ILKAP: variants seen among roughly 807,000 people sequenced by gnomAD.
The protein encoded by ILKAP is ILK associated serine/threonine phosphatase.
ILKAP carries 11 observed loss-of-function variants against 49.1 expected under a neutral mutation model. That is an observed-to-expected ratio of 0.22 (90% CI 0.14 to 0.37). The LOEUF is 0.37. Ranked by LOEUF, ILKAP falls within the 10% of genes least tolerant of loss-of-function variation. The pLI is 1.00. For synonymous variants in ILKAP, 186 were observed against 192.8 expected (o/e 0.96, Z 0.29); for missense variants, 363 against 510.8 (o/e 0.71, Z 2.79).
In ILKAP at chr2:238,173,650, A is replaced by G. The variant is rs528810761; in HGVS notation, c.840T>C (p.Asp280=). The change falls in exon 10 of 12, where the codon GAT becomes GAC. Residue 280 remains aspartate (D), a synonymous_variant. Coordinates refer to ENST00000254654, the MANE Select transcript of ILKAP (RefSeq NM_030768.3). The part of the protein sequence containing the change: ...RIQKAGGNVR[D]GRVLGVLEVS... ...CCTCTAGCACGCCCAAAACACGCCC[A>G]TCCCTAAAATGAGAGGAAAAACATT... 2 of 1,613,452 alleles carry G rather than the reference A, an allele frequency of 1.2e-6. No individual in the cohort carries two copies. Among genetic ancestry groups the G allele is most frequent in the South Asian group, 2.2e-5 (2 of 91,068 alleles).
At chr2:238,182,249 T>C (rs1693725779) in intron 8 of ILKAP, 63 bp from the exon 9 acceptor site, 3 of 1,584,856 alleles carry the variant, frequency 1.9e-6, no homozygotes, top group Non-Finnish European at 1.7e-6. Flanking sequence ...AAGGTACCAG[T>C]TGAAAAAAAC....
At chr2:238,186,135 T>A (rs1283589214) in intron 5 of ILKAP, 1 of 152,222 alleles carries the variant, frequency 6.6e-6, no homozygotes, top group Non-Finnish European at 1.5e-5. Flanking sequence ...GGTGACTTTG[T>A]TGTGTGAACA....
At chr2:238,197,041 C>T (rs1306956037) in intron 1 of ILKAP, among the ~76,000 whole-genome samples, 2 of 152,128 alleles carry the variant, frequency 1.3e-5, no homozygotes, top group Non-Finnish European at 2.9e-5. Context: ...TCCAGAAATA[C>T]AAAAATTAGC....
chr2:238,171,288 T>C (rs1471729473), intron 10 of ILKAP, among the ~76,000 whole-genome samples: 1 of 151,584 alleles, frequency 6.6e-6, no homozygotes, highest in Non-Finnish European at 1.5e-5. Context: ...GCCTCCTGAG[T>C]AGCTGGGATT....
Position 238,170,458 on chromosome 2 carries a change from C to G in ILKAP, c.*78G>C, listed in dbSNP as rs1311747732. Reference sequence around the variant, plus strand: ...ACCATGGGAGTCCCACAGGAGTACACAAAACACACAATGTGCACACACACA... The same window carrying G: ...ACCATGGGAGTCCCACAGGAGTACAGAAAACACACAATGTGCACACACACA... On this transcript the variant is annotated 3_prime_UTR_variant, in exon 12 of 12. Coordinates refer to ENST00000254654, the MANE Select transcript of ILKAP (RefSeq NM_030768.3). 2.3e-5 allele frequency: 34 copies of G among 1,471,294 alleles called. No homozygotes were observed. The East Asian group carries it at 7.9e-4, about 34-fold the overall frequency. 91.1% of individuals were successfully genotyped at this position (1,471,294 alleles called of 1,614,324 possible).
chr2:238,174,463 A>G (rs996669675), intron 9 of ILKAP, among the ~76,000 whole-genome samples: 1 of 152,188 alleles, frequency 6.6e-6, no homozygotes, highest in Non-Finnish European at 1.5e-5. Flanking sequence ...CGTGTGAGAG[A>G]GCACTCCGCA....
intron 11 of ILKAP, 101 bp downstream of exon 11, chr2:238,170,842 G>C (rs1288676615): frequency 7.0e-7 from 1 of 1,437,842 alleles, no homozygotes; most frequent in East Asian, 2.3e-5. Context: ...AGGGCACAAG[G>C]GCTGTCCCAC....
chr2:238,194,726 G>C (rs1050974088), intron 2 of ILKAP, 79 bp downstream of exon 2: 2 of 1,404,580 alleles, frequency 1.4e-6, no homozygotes, highest in African/African-American at 2.9e-5. Flanking sequence ...ATGGGGGAAA[G>C]GGAAAAAGAT....
At chr2:238,193,765 C>T (rs1206712873) in intron 3 of ILKAP, among the ~76,000 whole-genome samples, 1 of 152,216 alleles carries the variant, frequency 6.6e-6, no homozygotes, top group East Asian at 1.9e-4. Flanking sequence ...TCTCCTAACC[C>T]TCACCTTCCC....
intron 1 of ILKAP, among the ~76,000 whole-genome samples, chr2:238,200,137 T>C (rs919320395): frequency 1.3e-5 from 2 of 152,204 alleles, no homozygotes; most frequent in Non-Finnish European, 2.9e-5. Context: ...CTTAAAGACA[T>C]CAGGTCGGCA....
intron 1 of ILKAP, among the ~76,000 whole-genome samples, chr2:238,195,653 G>C (rs1403556789): frequency 1.3e-5 from 2 of 152,120 alleles, no homozygotes; most frequent in Non-Finnish European, 2.9e-5. Flanking sequence ...AATCCAAGTT[G>C]AAAGTATACA....
intron 5 of ILKAP, 103 bp downstream of exon 5, chr2:238,188,028 A>G: frequency 7.8e-7 from 1 of 1,279,642 alleles, no homozygotes; most frequent in Non-Finnish European, 1.1e-6. Context: ...CAATCAAGTG[A>G]TGTGTTAGAT....
At chr2:238,173,399 T>C (rs7585597) in intron 10 of ILKAP, 135 bp downstream of exon 10, 909,636 of 1,145,546 alleles carry the variant, frequency 0.79, 362,678 homozygotes, top group Middle Eastern at 0.87. Context: ...AAACCACATT[T>C]TGTTTATCTC....
At chr2:238,201,028 C>T (rs1694547118) in intron 1 of ILKAP, among the ~76,000 whole-genome samples, 1 of 152,224 alleles carries the variant, frequency 6.6e-6, no homozygotes, top group African/African-American at 2.4e-5. Flanking sequence ...TTCTGAACAA[C>T]TTTTCTTGCG....
intron 9 of ILKAP, among the ~76,000 whole-genome samples, chr2:238,174,229 AT>A (rs1693349154): frequency 6.6e-6 from 1 of 152,156 alleles, no homozygotes; most frequent in Non-Finnish European, 1.5e-5. Context: ...AGTTTCACCC[AT>A]TCTATTTTAG....
At chr2:238,178,729 G>A (rs1693572086) in intron 9 of ILKAP, among the ~76,000 whole-genome samples, 1 of 151,924 alleles carries the variant, frequency 6.6e-6, no homozygotes, top group Admixed American at 6.6e-5. Context: ...ACTGAACTGA[G>A]CACCCGAGAA....
intron 5 of ILKAP, chr2:238,186,175 G>A (rs776712472): frequency 6.6e-5 from 10 of 152,156 alleles, no homozygotes; most frequent in Admixed American, 5.9e-4. Flanking sequence ...AAACTAACAC[G>A]GCGCAGCTTA....
chr2:238,189,693 C>A, intron 4 of ILKAP, 160 bp downstream of exon 4: 1 of 564,158 alleles, frequency 1.8e-6, no homozygotes, highest in Non-Finnish European at 3.1e-6. Flanking sequence ...TAGGAGAAAG[C>A]ACAGAGAAAC....
intron 9 of ILKAP, among the ~76,000 whole-genome samples, chr2:238,175,615 C>G (rs190776689): frequency 3.0e-4 from 46 of 152,290 alleles, no homozygotes; most frequent in Admixed American, 1.4e-3. Flanking sequence ...AGAGTCCCAT[C>G]TCTGAGATCG....
Sources: gnomAD v4.1 joint callset for allele counts (sites outside exome capture counted in the v4.1 genomes callset) on GRCh38, gnomAD v4.1.1 for gene constraint, MANE v1.5 for transcripts, NCBI Gene and HGNC (gene_info 2026-07-23, HGNC 2026-07-21) for gene names.